The following DDHD1 variants were observed in gnomAD, a reference collection of about 807,000 sequenced individuals.
DDHD1 encodes DDHD domain containing 1, also known as phospholipase DDHD1.
In DDHD1, 49 loss-of-function variants were observed where a neutral mutation model predicts 96.4. The observed-to-expected ratio is 0.51, with a 90% CI of 0.40 to 0.64. The LOEUF is 0.64. DDHD1 is among the 30% of genes least tolerant of loss of function. The pLI is 0.00. For missense variants in DDHD1, 1,106 were observed against 1,161.2 expected, an observed-to-expected ratio of 0.95 and a Z score of 0.69; for synonymous variants, 442 against 446.5, an observed-to-expected ratio of 0.99 and a Z score of 0.13.
chr14:53,145,330 C>A (rs1890902346), intron 1 of DDHD1, among the ~76,000 whole-genome samples: 1 of 151,776 alleles, frequency 6.6e-6, no homozygotes, highest in Non-Finnish European at 1.5e-5. Flanking sequence ...AAGACCATGT[C>A]TCTACAAGTA....
intron 4 of DDHD1, among the ~76,000 whole-genome samples, chr14:53,091,478 T>TA (rs1301222913): frequency 6.6e-6 from 1 of 152,166 alleles, no homozygotes; most frequent in African/African-American, 2.4e-5. Context: ...AGATGTAACT[T>TA]AAAACTAGAT....
intron 7 of DDHD1, among the ~76,000 whole-genome samples, chr14:53,062,236 CTTAG>C (rs1224055299): frequency 6.6e-6 from 1 of 151,730 alleles, no homozygotes; most frequent in Non-Finnish European, 1.5e-5. Flanking sequence ...AAATGAAATC[CTTAG>C]TTAACATCTG....
chr14:53,113,833 GT>G (rs1888332103), intron 1 of DDHD1, among the ~76,000 whole-genome samples: 1 of 152,130 alleles, frequency 6.6e-6, no homozygotes. Flanking sequence ...AGCTGCAGGA[GT>G]TTTTTTCAAA....
At chr14:53,075,981 T>C (rs1200386310) in intron 4 of DDHD1, among the ~76,000 whole-genome samples, 1 of 152,110 alleles carries the variant, frequency 6.6e-6, no homozygotes, top group Non-Finnish European at 1.5e-5. Flanking sequence ...CCGCTGACAA[T>C]GTACCTGGTC....
At position 53,152,803 on chromosome 14, in the gene DDHD1, G is replaced by C. The variant is rs753792645; in HGVS notation, c.296C>G (p.Ser99Trp). The change falls in exon 1 of 13, where the codon TCG becomes TGG. Residue 99 changes from serine (S) to tryptophan (W), a missense_variant. Coordinates refer to ENST00000673822, the MANE Select transcript of DDHD1 (RefSeq NM_001160148.2). Reference sequence around the variant, plus strand: ...CTCACCCTCGCTGTAGTAGCGCAGCGAGGAGCCCGACTCGGCGGAGCTGAA... The same window carrying C: ...CTCACCCTCGCTGTAGTAGCGCAGCCAGGAGCCCGACTCGGCGGAGCTGAA... Reference protein sequence around the residue: ...YDFSSAESGSSLRYYSEGESG... With the variant: ...YDFSSAESGSWLRYYSEGESG... The C allele has an allele frequency of 3.1e-5, 50 of 1,609,170 alleles. No individual in the cohort carries two copies. The highest frequency in any genetic ancestry group is 1.8e-4 in the Middle Eastern group (1 of 5,472).
rs59825729 is a variant in DDHD1, at chr14:53,081,376, G to C, written c.1290-7529C>G. On this transcript the variant is annotated intron_variant, in intron 4 of 12. Transcript: ENST00000673822. ...TCTACCCACTCATTCAATTTTGATG[G>C]CTGTGTAGTTCTTATGTAAATCATT... Among the ~76,000 whole-genome samples the C allele has an allele frequency of 8.5e-5, 13 of 152,244 alleles. No individual in the cohort carries two copies. In the East Asian group the frequency reaches 2.3e-3, roughly 27 times the overall value.
chr14:53,065,457 G>A (rs1283269530), intron 6 of DDHD1, among the ~76,000 whole-genome samples: 2 of 152,152 alleles, frequency 1.3e-5, no homozygotes, highest in Admixed American at 1.3e-4. Flanking sequence ...AGGTCTCTCT[G>A]GATTTCTTGT....
intron 1 of DDHD1, among the ~76,000 whole-genome samples, chr14:53,148,339 T>A (rs1400351587): frequency 1.3e-5 from 2 of 149,594 alleles, no homozygotes; most frequent in Admixed American, 6.7e-5. Flanking sequence ...TGAGAGGGAG[T>A]CTTGCTCTTG....
intron 1 of DDHD1, among the ~76,000 whole-genome samples, chr14:53,129,468 C>T (rs139728113): frequency 3.5e-4 from 54 of 152,286 alleles, no homozygotes; most frequent in African/African-American, 1.2e-3. Flanking sequence ...GTGCCGGTTA[C>T]GGACTGAGGA....
intron 6 of DDHD1, among the ~76,000 whole-genome samples, chr14:53,063,536 C>T (rs1326773174): frequency 1.3e-5 from 2 of 150,636 alleles, no homozygotes; most frequent in African/African-American, 4.9e-5. Context: ...TTTTCAAAGA[C>T]CCCCGCAAAT....
At chr14:53,124,109 G>C (rs1889235610) in intron 1 of DDHD1, among the ~76,000 whole-genome samples, 2 of 151,774 alleles carry the variant, frequency 1.3e-5, no homozygotes, top group South Asian at 4.2e-4. Context: ...GTGGCAGGCG[G>C]CTTTAATTCC....
rs56655949 is a variant in DDHD1, at chr14:53,122,582, G to GTTTT, written c.839-18730_839-18727dup. ...CTGTTACTTTGTTCCTCTGCTAATA[G>GTTTT]TTTTTTTTTTTTTTTGACACAGTCT... On this transcript the variant is annotated intron_variant, in intron 1 of 12. Coordinates refer to ENST00000673822, the MANE Select transcript of DDHD1 (RefSeq NM_001160148.2). 2.2e-4 allele frequency among the ~76,000 whole-genome samples: 32 copies of GTTTT among 143,814 alleles called. 2 individuals carry two copies. The highest frequency in any genetic ancestry group is 4.4e-4 in the South Asian group (2 of 4,554). The allele number at this position is 143,814 out of a possible 152,430, so 94.3% of individuals were successfully genotyped here.
chr14:53,120,182 G>C (rs1207790242), intron 1 of DDHD1, among the ~76,000 whole-genome samples: 2 of 152,130 alleles, frequency 1.3e-5, no homozygotes, highest in Non-Finnish European at 2.9e-5. Context: ...CAAATCATGA[G>C]TGAACTCCTA....
intron 1 of DDHD1, among the ~76,000 whole-genome samples, chr14:53,105,978 G>A (rs971000115): frequency 2.0e-5 from 3 of 151,676 alleles, no homozygotes; most frequent in Non-Finnish European, 4.4e-5. Context: ...GGTGGTGGTG[G>A]TGTGTGTGTA....
Position 53,061,112 on chromosome 14 carries a change from T to C in DDHD1, c.1842+14A>G. ...CTGAGATCAATGTTGAAGAACACAT[T>C]GCTCTTTCCTTACCTTAAATTTTAA... On this transcript the variant is annotated intron_variant, in intron 8 of 12. Transcript: ENST00000673822. 1.9e-6 allele frequency: 3 copies of C among 1,602,976 alleles called. No homozygotes were observed. The highest frequency in any genetic ancestry group is 3.5e-5 in the Admixed American group (2 of 56,534).
In DDHD1 at chr14:53,103,783, T is replaced by A. The variant is rs1278311758; in HGVS notation, c.912A>T (p.Glu304Asp). 4 of 1,613,586 alleles carry A rather than the reference T, an allele frequency of 2.5e-6. No individual in the cohort carries two copies. The highest frequency in any genetic ancestry group is 1.7e-6 in the Non-Finnish European group (2 of 1,179,894). Residue 304 changes from glutamate to aspartate, a missense_variant, in exon 2 of 13, where the codon GAA becomes GAT. Coordinates refer to ENST00000673822, the MANE Select transcript of DDHD1 (RefSeq NM_001160148.2). ...GATGTTCTTGCTCAATTAAATTACT[T>A]TCTTCCTCTTCTAGAGGCTGCCAAG... is the stretch of plus-strand genomic sequence containing the variant. Reference protein sequence around the residue: ...DGTWQPLEEEESNLIEQEHLN... With the variant: ...DGTWQPLEEEDSNLIEQEHLN...
intron 1 of DDHD1, among the ~76,000 whole-genome samples, chr14:53,128,948 T>C (rs1268140777): frequency 6.6e-6 from 1 of 152,244 alleles, no homozygotes; most frequent in Non-Finnish European, 1.5e-5. Flanking sequence ...GATATTCCCC[T>C]GCTCTTAACA....
rs561465021 is a variant in DDHD1, at chr14:53,115,092, T to C, written c.839-11236A>G. ...TTCATGAAGCATACACAAGAATCAA[T>C]AGCCAAATCGATCAAGTGGAAGAAA... is the stretch of plus-strand genomic sequence containing the variant. On this transcript the variant is annotated intron_variant, in intron 1 of 12. Transcript: ENST00000673822. Among the ~76,000 whole-genome samples, 14 of 151,850 alleles carry C rather than the reference T, an allele frequency of 9.2e-5. No individual in the cohort carries two copies. In the East Asian group the frequency reaches 1.6e-3, roughly 17 times the overall value.
intron 1 of DDHD1, among the ~76,000 whole-genome samples, chr14:53,143,180 T>C (rs986638596): frequency 2.4e-4 from 37 of 152,360 alleles, no homozygotes; most frequent in African/African-American, 7.7e-4. Context: ...AGAGCTGGGA[T>C]TTGAGCCAAG....
Sources: allele counts gnomAD v4.1 joint callset (sites outside exome capture counted in the v4.1 genomes callset), GRCh38; gene constraint gnomAD v4.1.1; transcripts MANE v1.5; gene names NCBI Gene and HGNC (gene_info 2026-07-23, HGNC 2026-07-21).